The following KIZ variants were observed in gnomAD, a reference collection of about 807,000 sequenced individuals.
The protein encoded by KIZ is centrosomal protein kizuna.
A neutral mutation model predicts 79.6 loss-of-function variants in KIZ; 68 were observed. The ratio of observed to expected loss-of-function variants is 0.85; its 90% CI spans 0.70 to 1.05. KIZ has a LOEUF of 1.05. Ranked by LOEUF, KIZ falls within the 50% of genes least tolerant of loss-of-function variation. The pLI is 0.00. For synonymous variants in KIZ, 280 were observed against 281.8 expected (o/e 0.99, Z 0.06); for missense variants, 797 against 800.4 (o/e 1.00, Z 0.05).
intron 2 of KIZ, among the ~76,000 whole-genome samples, chr20:21,133,408 C>T (rs2031972917): frequency 6.6e-6 from 1 of 152,216 alleles, no homozygotes; most frequent in Admixed American, 6.5e-5. Context: ...TCCTTGGCAG[C>T]TGCCATTTTT....
At chr20:21,139,429 T>G (rs2032390885) in intron 3 of KIZ, among the ~76,000 whole-genome samples, 1 of 152,214 alleles carries the variant, frequency 6.6e-6, no homozygotes, top group African/African-American at 2.4e-5. Flanking sequence ...CCCAATTTTT[T>G]CTTTTAGTAT....
chr20:21,126,298 T>G, intron 1 of KIZ, 94 bp downstream of exon 1: 25 of 873,994 alleles, frequency 2.9e-5, no homozygotes, highest in Non-Finnish European at 4.0e-5. Context: ...CCGTCCGAGG[T>G]TCCCCGGGGC....
intron 9 of KIZ, among the ~76,000 whole-genome samples, chr20:21,220,947 G>A (rs2036483524): frequency 6.6e-6 from 1 of 152,132 alleles, no homozygotes; most frequent in Non-Finnish European, 1.5e-5. Flanking sequence ...TGGAGAGGTG[G>A]GCAGCATGCA....
intron 3 of KIZ, among the ~76,000 whole-genome samples, chr20:21,141,454 G>T (rs1387862129): frequency 1.3e-5 from 2 of 151,592 alleles, no homozygotes; most frequent in African/African-American, 4.9e-5. Flanking sequence ...GAGCAAGGTT[G>T]TAGGTGGTAG....
intron 1 of KIZ, among the ~76,000 whole-genome samples, chr20:21,129,770 A>T (rs994543748): frequency 3.3e-5 from 5 of 152,012 alleles, no homozygotes. Flanking sequence ...TATATTTTTT[A>T]AAGTAAATTC....
chr20:21,201,463 T>C (rs550331866), intron 6 of KIZ, among the ~76,000 whole-genome samples: 18 of 152,348 alleles, frequency 1.2e-4, no homozygotes, highest in Admixed American at 2.0e-4. Context: ...TGTGTTCTTA[T>C]GCTCATACTG....
intron 4 of KIZ, among the ~76,000 whole-genome samples, chr20:21,159,334 G>A (rs2033546907): frequency 6.6e-6 from 1 of 151,918 alleles, no homozygotes; most frequent in Non-Finnish European, 1.5e-5. Flanking sequence ...TCTTTTCTAA[G>A]GATTTTTTAT....
rs147061447 is a variant in KIZ at position 21,170,782 on chromosome 20, CCCAGCCTCTGGT to C, written c.1352+7624_1352+7635del. On this transcript the variant is annotated intron_variant, in intron 6 of 12. Transcript: ENST00000619189. Reference sequence around the variant, plus strand: ...TCCGCCCCCGAACTCCACTACACTTCCCAGCCTCTGGTAACTATCTTTCTACTCTCTGTCTCC... The same window carrying C: ...TCCGCCCCCGAACTCCACTACACTTCAACTATCTTTCTACTCTCTGTCTCC... Among the ~76,000 whole-genome samples the C allele has an allele frequency of 2.2e-3, 330 of 152,282 alleles. 1 individual carries two copies. Among genetic ancestry groups the C allele is most frequent in the Middle Eastern group, 6.8e-3 (2 of 294 alleles).
intron 11 of KIZ, among the ~76,000 whole-genome samples, chr20:21,243,878 T>C (rs2037302805): frequency 6.6e-6 from 1 of 152,202 alleles, no homozygotes; most frequent in Non-Finnish European, 1.5e-5. Flanking sequence ...GCACTGAAGT[T>C]TGATGCATCA....
chr20:21,161,557 C>G (rs948244416), intron 4 of KIZ, among the ~76,000 whole-genome samples: 2 of 152,158 alleles, frequency 1.3e-5, no homozygotes, highest in African/African-American at 4.8e-5. Flanking sequence ...GTCTCGAACT[C>G]CTGACCTCAG....
intron 9 of KIZ, among the ~76,000 whole-genome samples, chr20:21,222,741 T>TTCTCTTC (rs1367521157): frequency 3.9e-5 from 6 of 152,214 alleles, no homozygotes; most frequent in Admixed American, 3.9e-4. Context: ...TCACTTGGCC[T>TTCTCTTC]TCTCTTCTGT....
chr20:21,175,690 T>A (rs2034403149), intron 6 of KIZ, among the ~76,000 whole-genome samples: 1 of 152,176 alleles, frequency 6.6e-6, no homozygotes, highest in South Asian at 2.1e-4. Flanking sequence ...TACAACTGAA[T>A]GAACCACATG....
chr20:21,166,428 T>G, intron 6 of KIZ: 1 of 1,593,414 alleles, frequency 6.3e-7, no homozygotes, highest in South Asian at 1.1e-5. Flanking sequence ...TTCCCAGCTC[T>G]GTGGTCATCA....
intron 4 of KIZ, among the ~76,000 whole-genome samples, chr20:21,156,068 TA>T (rs1346910973): frequency 4.6e-5 from 7 of 152,358 alleles, no homozygotes; most frequent in Admixed American, 4.6e-4. Context: ...TGGGGGGTTA[TA>T]ATTTTTAAAA....
In KIZ at chr20:21,229,026, A is replaced by G; in HGVS notation, c.1694A>G (p.Gln565Arg). 6.3e-7 allele frequency: 1 copy of G among 1,599,712 alleles called. No individual in the cohort carries two copies. ...TAATCAACAGAAACAGAAGCCTATCAGTTGCTGAAGAAGGCCACCCTTCAG... is the reference window on the plus strand; with the variant it reads ...TAATCAACAGAAACAGAAGCCTATCGGTTGCTGAAGAAGGCCACCCTTCAG... ...DIPITETEAY[Q>R]LLKKATLQDN... Residue 565 changes from glutamine to arginine, a missense_variant, in exon 10 of 13, where the codon CAG becomes CGG. Coordinates refer to ENST00000619189, the MANE Select transcript of KIZ (RefSeq NM_018474.6).
intron 6 of KIZ, among the ~76,000 whole-genome samples, chr20:21,191,789 G>A (rs2035115919): frequency 6.6e-6 from 1 of 151,558 alleles, no homozygotes; most frequent in African/African-American, 2.4e-5. Context: ...AGTATATGAG[G>A]TTAACCAACA....
At chr20:21,209,980 G>A (rs2036000583) in intron 7 of KIZ, among the ~76,000 whole-genome samples, 1 of 152,062 alleles carries the variant, frequency 6.6e-6, no homozygotes, top group African/African-American at 2.4e-5. Context: ...AAAGAAAACT[G>A]GCCATTTTCC....
intron 3 of KIZ, among the ~76,000 whole-genome samples, chr20:21,141,476 A>G (rs1042615975): frequency 1.3e-5 from 2 of 151,508 alleles, no homozygotes; most frequent in Non-Finnish European, 2.9e-5. Flanking sequence ...GAATTAACCA[A>G]ACACTCTCCA....
chr20:21,244,640 C>T (rs892214188), intron 12 of KIZ: 30 of 231,812 alleles, frequency 1.3e-4, no homozygotes, highest in African/African-American at 2.8e-4. Flanking sequence ...TGCTCATGAC[C>T]GGACAGGCTC....
Sources: allele counts gnomAD v4.1 joint callset (sites outside exome capture counted in the v4.1 genomes callset), GRCh38; gene constraint gnomAD v4.1.1; transcripts MANE v1.5; gene names NCBI Gene and HGNC (gene_info 2026-07-23, HGNC 2026-07-21).